Variants in CCSER1 observed in about 807,000 individuals in gnomAD.
The protein encoded by CCSER1 is serine-rich coiled-coil domain-containing protein 1.
CCSER1 carries 41 observed loss-of-function variants against 82.0 expected under a neutral mutation model. That is an observed-to-expected ratio of 0.50 (90% CI 0.39 to 0.65). CCSER1 has a LOEUF of 0.65. Among genes scored for constraint, CCSER1 ranks in the 30% least tolerant of loss-of-function variants. The probability of loss-of-function intolerance (pLI) is 0.00; values close to 1 mark genes in which losing one functional copy is unlikely to be tolerated. For synonymous variants in CCSER1, 414 were observed against 383.9 expected (o/e 1.08, Z -0.92); for missense variants, 1,119 against 1,064.2 (o/e 1.05, Z -0.72).
chr4:90,902,285 G>A (rs1217558680), intron 8 of CCSER1, among the ~76,000 whole-genome samples: 1 of 151,698 alleles, frequency 6.6e-6, no homozygotes, highest in African/African-American at 2.4e-5. Context: ...TTATTCATAT[G>A]TCATTTTAGA....
At chr4:91,103,293 C>T (rs929385360) in intron 10 of CCSER1, among the ~76,000 whole-genome samples, 8 of 152,144 alleles carry the variant, frequency 5.3e-5, no homozygotes, top group African/African-American at 1.7e-4. Flanking sequence ...GAAAGATGAG[C>T]ACTTCTGATG....
intron 8 of CCSER1, among the ~76,000 whole-genome samples, chr4:90,912,609 T>C (rs564336302): frequency 1.1e-4 from 17 of 152,274 alleles, no homozygotes; most frequent in African/African-American, 2.9e-4. Context: ...GTGCAGCCCC[T>C]TGCCAGCAAT....
At chr4:90,444,866 C>G (rs1760421977) in intron 4 of CCSER1, among the ~76,000 whole-genome samples, 1 of 151,886 alleles carries the variant, frequency 6.6e-6, no homozygotes, top group African/African-American at 2.4e-5. Context: ...ACACATGTCC[C>G]TTAAAGTCTC....
chr4:90,521,791 A>G (rs778212955), intron 5 of CCSER1, among the ~76,000 whole-genome samples: 2 of 152,048 alleles, frequency 1.3e-5, no homozygotes, highest in Admixed American at 6.6e-5. Flanking sequence ...CTTTTCACAT[A>G]TGAGTTCCAG....
intron 10 of CCSER1, among the ~76,000 whole-genome samples, chr4:91,385,703 C>T (rs78678793): frequency 6.6e-6 from 1 of 151,472 alleles, no homozygotes. Flanking sequence ...TTTGTTGCCA[C>T]GGGGTAAGGG....
At chr4:90,963,537 A>G (rs536262086) in intron 9 of CCSER1, among the ~76,000 whole-genome samples, 1 of 152,284 alleles carries the variant, frequency 6.6e-6, no homozygotes, top group African/African-American at 2.4e-5. Context: ...AAATTAAGTC[A>G]TTTAAATGAA....
At chr4:90,138,023 G>C (rs1307459302) in intron 1 of CCSER1, among the ~76,000 whole-genome samples, 1 of 152,150 alleles carries the variant, frequency 6.6e-6, no homozygotes, top group Non-Finnish European at 1.5e-5. Flanking sequence ...TTCACTGCTT[G>C]TTTGTACTTA....
At chr4:90,716,901 T>C (rs560473429) in intron 6 of CCSER1, among the ~76,000 whole-genome samples, 1 of 152,150 alleles carries the variant, frequency 6.6e-6, no homozygotes, top group Non-Finnish European at 1.5e-5. Context: ...TATTTGTCCA[T>C]GTAGAGCTGG....
chr4:90,874,946 T>C (rs1049920620), intron 8 of CCSER1, among the ~76,000 whole-genome samples: 3 of 152,242 alleles, frequency 2.0e-5, no homozygotes, highest in African/African-American at 4.8e-5. Context: ...CTCAGAAGGC[T>C]GCGGCAGGAG....
intron 5 of CCSER1, among the ~76,000 whole-genome samples, chr4:90,583,880 G>A (rs906667240): frequency 1.3e-5 from 2 of 151,738 alleles, no homozygotes; most frequent in Non-Finnish European, 2.9e-5. Flanking sequence ...TGTAATTCAT[G>A]TTATCTTTGA....
chr4:91,420,440 T>G (rs1009104838), intron 10 of CCSER1, among the ~76,000 whole-genome samples: 8 of 152,066 alleles, frequency 5.3e-5, no homozygotes, highest in African/African-American at 1.9e-4. Flanking sequence ...TATAAAAAGG[T>G]ACTCAACATC....
chr4:90,793,871 G>A (rs893882619), intron 7 of CCSER1, among the ~76,000 whole-genome samples: 4 of 152,166 alleles, frequency 2.6e-5, no homozygotes, highest in Non-Finnish European at 5.9e-5. Context: ...CATTCTGTGA[G>A]GTGGTGTCTC....
At chr4:90,460,104 A>G (rs1762690915) in intron 4 of CCSER1, among the ~76,000 whole-genome samples, 1 of 151,058 alleles carries the variant, frequency 6.6e-6, no homozygotes, top group Admixed American at 6.6e-5. Context: ...AGACGGGCGG[A>G]TCACGAGGTC....
chr4:90,337,776 A>G (rs1027127475), intron 3 of CCSER1, among the ~76,000 whole-genome samples: 3 of 152,180 alleles, frequency 2.0e-5, no homozygotes, highest in Non-Finnish European at 4.4e-5. Flanking sequence ...AATAGTATTT[A>G]ACCCATTATA....
intron 7 of CCSER1, among the ~76,000 whole-genome samples, chr4:90,767,096 A>G (rs532445419): frequency 9.8e-5 from 15 of 152,332 alleles, no homozygotes; most frequent in Admixed American, 4.6e-4. Flanking sequence ...CATTTATATC[A>G]TAGTCATTAT....
intron 9 of CCSER1, among the ~76,000 whole-genome samples, chr4:91,084,360 A>G (rs1215281139): frequency 1.3e-5 from 2 of 152,194 alleles, no homozygotes; most frequent in African/African-American, 4.8e-5. Flanking sequence ...ATGCTGTTAC[A>G]TATAATATCT....
intron 5 of CCSER1, among the ~76,000 whole-genome samples, chr4:90,534,441 T>G (rs970183343): frequency 7.3e-6 from 1 of 136,394 alleles, no homozygotes; most frequent in African/African-American, 2.7e-5. Flanking sequence ...TGCCAGCCTT[T>G]TGTGTGTGTG....
At chr4:91,336,911 G>T (rs1747362122) in intron 10 of CCSER1, among the ~76,000 whole-genome samples, 1 of 152,150 alleles carries the variant, frequency 6.6e-6, no homozygotes, top group Admixed American at 6.6e-5. Context: ...ATTATGAAGT[G>T]ATATGTATAA....
At chr4:90,884,900 C>T (rs1721892149) in intron 8 of CCSER1, among the ~76,000 whole-genome samples, 1 of 151,884 alleles carries the variant, frequency 6.6e-6, no homozygotes, top group Non-Finnish European at 1.5e-5. Flanking sequence ...GAAATATAGG[C>T]AATAGAAGAT....
Sources: gnomAD v4.1 joint callset for allele counts (sites outside exome capture counted in the v4.1 genomes callset) on GRCh38, gnomAD v4.1.1 for gene constraint, MANE v1.5 for transcripts, NCBI Gene and HGNC (gene_info 2026-07-23, HGNC 2026-07-21) for gene names.